Variants in APBA1 observed in about 807,000 individuals in gnomAD.
APBA1 encodes amyloid beta precursor protein binding family A member 1, also known as amyloid-beta A4 precursor protein-binding family A member 1.
In APBA1, 55 loss-of-function variants were observed where a neutral mutation model predicts 86.6. The observed-to-expected ratio is 0.64, with a 90% CI of 0.51 to 0.80. The LOEUF (loss-of-function observed/expected upper bound fraction) is 0.80, where lower values mean the gene tolerates loss of function less well. Ranked by LOEUF, APBA1 falls within the 30% of genes least tolerant of loss-of-function variation. APBA1 has a pLI of 0.00. For synonymous variants in APBA1, 511 were observed against 493.9 expected (o/e 1.03, Z -0.46); for missense variants, 1,090 against 1,183.0 (o/e 0.92, Z 1.15).
At chr9:69,432,411 G>T in intron 12 of APBA1, 125 bp downstream of exon 12, 1 of 921,758 alleles carries the variant, frequency 1.1e-6, no homozygotes, top group Non-Finnish European at 1.5e-6. Context: ...GCTTGTTGGG[G>T]AGTGTTCAGG....
intron 2 of APBA1, among the ~76,000 whole-genome samples, chr9:69,483,991 A>C (rs1216462159): frequency 6.6e-6 from 1 of 152,128 alleles, no homozygotes; most frequent in Non-Finnish European, 1.5e-5. Context: ...TAATGCCTTT[A>C]AATTTCCCCA....
At chr9:69,437,002 G>T (rs1834736489) in intron 11 of APBA1, among the ~76,000 whole-genome samples, 1 of 152,062 alleles carries the variant, frequency 6.6e-6, no homozygotes, top group Admixed American at 6.6e-5. Flanking sequence ...GTTGAATTTT[G>T]TCAAAGGCCT....
intron 1 of APBA1, among the ~76,000 whole-genome samples, chr9:69,667,824 C>T (rs1440847706): frequency 1.3e-5 from 2 of 151,964 alleles, no homozygotes; most frequent in African/African-American, 2.4e-5. Context: ...TCCCTTCCCC[C>T]ACGCCTCCCT....
Position 69,486,085 on chromosome 9 carries a change from G to A in APBA1, c.1201-9942C>T, listed in dbSNP as rs374240772. Among the ~76,000 whole-genome samples, 39 of 151,998 alleles carry A rather than the reference G, an allele frequency of 2.6e-4. No homozygotes were observed. The East Asian group carries it at 5.0e-3, about 20-fold the overall frequency. On this transcript the variant is annotated intron_variant, in intron 2 of 12. Transcript: ENST00000265381. ...TCCTGCCTCAGCCTCCCAAGTAGCT[G>A]GGACTAGAGGTGCACACCACCACAC...
chr9:69,618,275 A>G (rs1390410887), intron 1 of APBA1, among the ~76,000 whole-genome samples: 1 of 152,166 alleles, frequency 6.6e-6, no homozygotes, highest in Non-Finnish European at 1.5e-5. Flanking sequence ...TTGGCTCCCT[A>G]CAGAAGCCAT....
chr9:69,623,140 C>T (rs544981230), intron 1 of APBA1, among the ~76,000 whole-genome samples: 5 of 152,100 alleles, frequency 3.3e-5, no homozygotes, highest in South Asian at 2.1e-4. Context: ...TCATAGGCAC[C>T]CCACCCAAAA....
At chr9:69,610,529 G>T (rs536918177) in intron 1 of APBA1, among the ~76,000 whole-genome samples, 1 of 152,056 alleles carries the variant, frequency 6.6e-6, no homozygotes, top group Admixed American at 6.5e-5. Context: ...AAATTTTTAT[G>T]GGCACTCTGA....
chr9:69,671,910 G>A (rs1823956302), intron 1 of APBA1, among the ~76,000 whole-genome samples: 3 of 152,120 alleles, frequency 2.0e-5, no homozygotes, highest in African/African-American at 7.2e-5. Flanking sequence ...CCCGAAGCCC[G>A]GCATCTCAGC....
At chr9:69,672,543 G>A (rs1823977409), upstream of APBA1, among the ~76,000 whole-genome samples, 1 of 147,308 alleles carries the variant, frequency 6.8e-6, no homozygotes, top group Non-Finnish European at 1.5e-5. Flanking sequence ...GTGCGCGCGC[G>A]GCCCGCGAGC....
intron 1 of APBA1, among the ~76,000 whole-genome samples, chr9:69,665,932 C>T (rs543221605): frequency 3.3e-5 from 5 of 152,296 alleles, no homozygotes; most frequent in East Asian, 1.9e-4. Flanking sequence ...GACAGCATTT[C>T]GCCATGTTGG....
At chr9:69,611,971 C>A (rs1386447703) in intron 1 of APBA1, among the ~76,000 whole-genome samples, 1 of 152,086 alleles carries the variant, frequency 6.6e-6, no homozygotes, top group East Asian at 1.9e-4. Flanking sequence ...ATTAAAATGT[C>A]TTCAGAATTG....
intron 1 of APBA1, among the ~76,000 whole-genome samples, chr9:69,663,726 C>T (rs146811333): frequency 8.3e-4 from 127 of 152,288 alleles, no homozygotes; most frequent in African/African-American, 3.0e-3. Flanking sequence ...AATTAATCCA[C>T]ATGGAACAGA....
At chr9:69,462,889 G>T (rs151025631) in intron 5 of APBA1, 161 of 152,272 alleles carry the variant, frequency 1.1e-3, no homozygotes, top group African/African-American at 3.7e-3. Context: ...TAGGTTTGGG[G>T]TTGGGCCTGA....
chr9:69,653,414 A>C (rs1392306285), intron 1 of APBA1, among the ~76,000 whole-genome samples: 1 of 152,190 alleles, frequency 6.6e-6, no homozygotes, highest in Non-Finnish European at 1.5e-5. Context: ...CAGACAGTAA[A>C]TCAACAGAGA....
At chr9:69,451,921 G>C (rs1835016316) in intron 9 of APBA1, among the ~76,000 whole-genome samples, 1 of 152,166 alleles carries the variant, frequency 6.6e-6, no homozygotes, top group Non-Finnish European at 1.5e-5. Flanking sequence ...CTGCCTCTCT[G>C]TTTACACCTG....
intron 1 of APBA1, among the ~76,000 whole-genome samples, chr9:69,619,819 G>A (rs756808176): frequency 6.6e-6 from 1 of 152,180 alleles, no homozygotes; most frequent in Non-Finnish European, 1.5e-5. Context: ...CAGTCAGACT[G>A]CCCCCACATA....
At chr9:69,470,088 A>C (rs1835342761) in intron 4 of APBA1, among the ~76,000 whole-genome samples, 1 of 152,208 alleles carries the variant, frequency 6.6e-6, no homozygotes, top group Admixed American at 6.5e-5. Context: ...AATGCCAAGC[A>C]TCCAAGACAC....
At chr9:69,476,210 A>AGG in intron 2 of APBA1, 67 bp from the exon 3 acceptor site, 1 of 1,165,086 alleles carries the variant, frequency 8.6e-7, no homozygotes, top group Non-Finnish European at 1.3e-6. Context: ...GCTGGGGGAA[A>AGG]GGGGCCGGGA....
At chr9:69,629,943 A>C (rs1180640373) in intron 1 of APBA1, among the ~76,000 whole-genome samples, 3 of 152,214 alleles carry the variant, frequency 2.0e-5, no homozygotes, top group Admixed American at 1.3e-4. Flanking sequence ...ATTAGCGAAC[A>C]AAGCAGATAT....
Sources: allele counts gnomAD v4.1 joint callset (sites outside exome capture counted in the v4.1 genomes callset), GRCh38; gene constraint gnomAD v4.1.1; transcripts MANE v1.5; gene names NCBI Gene and HGNC (gene_info 2026-07-23, HGNC 2026-07-21).